RNF167: variants seen among roughly 807,000 people sequenced by gnomAD.
RNF167 encodes the protein ring finger protein 167.
Under a neutral mutation model 34.8 loss-of-function variants are expected in RNF167, and 19 were observed. The ratio of observed to expected loss-of-function variants is 0.55; its 90% CI spans 0.38 to 0.80. RNF167 has a LOEUF of 0.80. Ranked by LOEUF, RNF167 falls within the 30% of genes least tolerant of loss-of-function variation. RNF167 has a pLI of 0.00. For missense variants in RNF167, 464 were observed against 447.0 expected (o/e 1.04, Z -0.34); for synonymous variants, 200 against 170.4 (o/e 1.17, Z -1.35).
rs1971187181 is a variant in RNF167 at position 4,944,556 on chromosome 17, A to G, written c.671-2A>G. ...GACTAGATTATTTTCTTTCTGTCCC[A>G]GGAGACCAGTATGATGTCTGTGCCA... On this transcript the variant is annotated splice_acceptor_variant, in intron 8 of 9. Coordinates refer to ENST00000262482, the MANE Select transcript of RNF167 (RefSeq NM_015528.3). LOFTEE classifies it high-confidence loss of function. The G allele has an allele frequency of 1.3e-6, 2 of 1,585,056 alleles. No individual in the cohort carries two copies. Among genetic ancestry groups the G allele is most frequent in the Non-Finnish European group, 1.7e-6 (2 of 1,163,682 alleles).
Position 4,944,635 on chromosome 17 carries a change from C to G in RNF167, c.748C>G (p.His250Asp). The change falls in exon 9 of 10, where the codon CAT (histidine) becomes GAT (aspartate). Residue 250 changes from histidine to aspartate, a missense_variant. Transcript: ENST00000262482. ...GDKLRVLPCA[H>D]AYHSRCVDPW... is the part of the protein sequence containing the mutation. ...CAAGCTGCGGGTACTCCCCTGTGCT[C>G]ATGGTGAGGCCCTCACTGCCTGCCC... 1 of 1,614,092 alleles carries G rather than the reference C, an allele frequency of 6.2e-7. No individual in the cohort carries two copies. Among genetic ancestry groups the G allele is most frequent in the South Asian group, 1.1e-5 (1 of 91,072 alleles).
chr17:4,944,894 T>C lies in RNF167; in HGVS notation c.931T>C (p.Leu311=), dbSNP rs1457219218. ...DHPASERTPL[L]GSSPTLPTSF... The stretch of plus-strand genomic sequence containing the variant: ...CCCTGCCTCAGAAAGGACCCCACTT[T>C]TGGGTTCTAGCCCCACTCTTCCCAC... Residue 311 remains leucine, a synonymous_variant, in exon 10 of 10, where the codon TTG becomes CTG. Transcript: ENST00000262482. 3.1e-6 allele frequency: 5 copies of C among 1,613,852 alleles called. No homozygotes were observed. Among genetic ancestry groups the C allele is most frequent in the African/African-American group, 1.3e-5 (1 of 74,894 alleles).
chr17:4,943,355 A>G, intron 7 of RNF167, 71 bp downstream of exon 7: 1 of 1,588,722 alleles, frequency 6.3e-7, no homozygotes, highest in African/African-American at 1.3e-5. Context: ...GAGTTGGGAG[A>G]TGGGAGTGGC....
At chr17:4,943,605 G>A (rs546847418) in intron 8 of RNF167, 86 bp downstream of exon 8, 57 of 1,117,600 alleles carry the variant, frequency 5.1e-5, no homozygotes, top group South Asian at 4.1e-4. Flanking sequence ...GGTATACAAA[G>A]ATGGCAGTGG....
intron 8 of RNF167, among the ~76,000 whole-genome samples, chr17:4,944,215 G>A (rs1451121585): frequency 6.6e-6 from 1 of 152,232 alleles, no homozygotes; most frequent in Non-Finnish European, 1.5e-5. Context: ...TTCAGTTAGA[G>A]AAGGAAGAAA....
chr17:4,943,415 G>A lies in RNF167; in HGVS notation c.577-11G>A, dbSNP rs545196478. On this transcript the variant is annotated splice_polypyrimidine_tract_variant and intron_variant, in intron 7 of 9. Coordinates refer to ENST00000262482, the MANE Select transcript of RNF167 (RefSeq NM_015528.3). ...TCCTAAGCCTTGTCCATCCACCCCC[G>A]CTTCCCCCAGATAGCTCGTTGTATC... 3.2e-5 allele frequency: 51 copies of A among 1,611,980 alleles called. No individual in the cohort carries two copies. Among genetic ancestry groups the A allele is most frequent in the African/African-American group, 4.0e-5 (3 of 74,978 alleles).
At chr17:4,944,525 G>A in intron 8 of RNF167, 33 bp from the exon 9 acceptor site, 2 of 1,544,374 alleles carry the variant, frequency 1.3e-6, no homozygotes, top group South Asian at 2.5e-5. Context: ...TTGTGGCTCA[G>A]TGAAGGACTA....
At position 4,940,655 on chromosome 17, in the gene RNF167, C is replaced by G. The variant is rs993408372; in HGVS notation, c.-255C>G. On this transcript the variant is annotated 5_prime_UTR_variant, in exon 2 of 10. Transcript: ENST00000262482. ...TTCTGTCACCTGTGTTAGGCTCCGT[C>G]CCCTTTCCGCGTTTTATCCCCGTAC... The G allele has an allele frequency of 2.5e-6, 1 of 406,600 alleles. No individual in the cohort carries two copies. 25.2% of individuals were successfully genotyped at this position (406,600 alleles called of 1,614,324 possible).
rs1358706699 is a variant in RNF167, at chr17:4,941,171, T to G, written c.165+14T>G. ...GAGGGCCTCCAGGTGATTTTCTTTCTTTTCTTTTCCTCCTTCCCTCCCTTC... is the reference window on the plus strand; with the variant it reads ...GAGGGCCTCCAGGTGATTTTCTTTCGTTTCTTTTCCTCCTTCCCTCCCTTC... On this transcript the variant is annotated intron_variant, in intron 3 of 9. Transcript: ENST00000262482. 6.2e-7 allele frequency: 1 copy of G among 1,608,688 alleles called. No homozygotes were observed. The highest frequency in any genetic ancestry group is 8.5e-7 in the Non-Finnish European group (1 of 1,175,214).
At chr17:4,943,934 G>A (rs931154401) in intron 8 of RNF167, among the ~76,000 whole-genome samples, 6 of 152,192 alleles carry the variant, frequency 3.9e-5, no homozygotes, top group South Asian at 2.1e-4. Context: ...GGAGGTTGTC[G>A]GGGGCTGAGA....
In RNF167 at chr17:4,942,872, G is replaced by A; in HGVS notation, c.401G>A (p.Trp134Ter). Residue 134 changes from tryptophan (W) to a stop codon, truncating the protein, a stop_gained, in exon 6 of 10, where the codon TGG becomes TAG. Transcript: ENST00000262482. LOFTEE classifies it high-confidence loss of function. ...WNSEEIQQQIWIPSVFIGERS... is the reference protein window; with the variant it reads ...WNSEEIQQQI ...GCAGAGGAAATCCAGCAGCAGATCT[G>A]GATCCCGTCTGTATTTATTGGGGAG... 6.2e-7 allele frequency: 1 copy of A among 1,614,214 alleles called. No individual in the cohort carries two copies. Among genetic ancestry groups the A allele is most frequent in the Non-Finnish European group, 8.5e-7 (1 of 1,180,038 alleles).
chr17:4,944,878 A>C lies in RNF167; in HGVS notation c.915A>C (p.Ser305=). The C allele has an allele frequency of 6.2e-7, 1 of 1,614,018 alleles. No homozygotes were observed. Among genetic ancestry groups the C allele is most frequent in the Non-Finnish European group, 8.5e-7 (1 of 1,179,940 alleles). Residue 305 remains serine, a synonymous_variant, in exon 10 of 10, where the codon TCA becomes TCC. Transcript: ENST00000262482. The part of the protein sequence containing the change: ...DEGEPRDHPA[S]ERTPLLGSSP... ...GGGAGCCAAGGGACCACCCTGCCTC[A>C]GAAAGGACCCCACTTTTGGGTTCTA... is the stretch of plus-strand genomic sequence containing the variant.
Position 4,944,743 on chromosome 17 carries a change from GCTCA to G in RNF167, c.785_788del (p.Thr262ArgfsTer62). 1 of 1,613,812 alleles carries G rather than the reference GCTCA, an allele frequency of 6.2e-7. No homozygotes were observed. Among genetic ancestry groups the G allele is most frequent in the Non-Finnish European group, 8.5e-7 (1 of 1,179,866 alleles). The stretch of plus-strand genomic sequence containing the variant: ...ACCACAGCCGCTGCGTGGACCCCTG[GCTCA>G]CTCAGACCCGGAAGACCTGCCCCAT... On this transcript the variant is annotated frameshift_variant, in exon 10 of 10. Coordinates refer to ENST00000262482, the MANE Select transcript of RNF167 (RefSeq NM_015528.3). LOFTEE classifies it high-confidence loss of function.
chr17:4,941,228 A>C, intron 3 of RNF167, 71 bp downstream of exon 3: 1 of 1,363,244 alleles, frequency 7.3e-7, no homozygotes, highest in African/African-American at 1.5e-5. Context: ...TTTTTTTAGT[A>C]TTTCGCAAGA....
Position 4,940,829 on chromosome 17 carries a change from G to A in RNF167, c.-81G>A. ...TTGGACCCCTGGGATCCTAAAGGAG[G>A]GGCAGGGAGGGCGCAGAACTCCGCT... is the stretch of plus-strand genomic sequence containing the variant. On this transcript the variant is annotated 5_prime_UTR_variant, in exon 2 of 10. Transcript: ENST00000262482. 7.6e-7 allele frequency: 1 copy of A among 1,314,030 alleles called. No individual in the cohort carries two copies. Among genetic ancestry groups the A allele is most frequent in the Non-Finnish European group, 1.0e-6 (1 of 963,944 alleles). 81.4% of individuals were successfully genotyped at this position (1,314,030 alleles called of 1,614,324 possible). A position where few individuals can be genotyped will look rare whatever the true frequency, so the allele number is the denominator to read the frequency against.
In RNF167 at chr17:4,942,945, G is replaced by C. The variant is rs1970971314; in HGVS notation, c.470+4G>C. 6.2e-7 allele frequency: 1 copy of C among 1,613,126 alleles called. No homozygotes were observed. On this transcript the variant is annotated splice_donor_region_variant and intron_variant, in intron 6 of 9. Transcript: ENST00000262482. ...CCCTCTTTGTCTACGAGAAGGGGTA[G>C]GACATGTGCCTCCTTCCCATTCTTC... is the stretch of plus-strand genomic sequence containing the variant.
rs762586495 is a variant in RNF167 at position 4,941,202 on chromosome 17, T to C, written c.165+45T>C. 4 of 1,515,582 alleles carry C rather than the reference T, an allele frequency of 2.6e-6. No individual in the cohort carries two copies. The East Asian group carries it at 9.0e-5, about 34-fold the overall frequency. 93.9% of individuals were successfully genotyped at this position (1,515,582 alleles called of 1,614,324 possible). On this transcript the variant is annotated intron_variant, in intron 3 of 9. Transcript: ENST00000262482. Reference sequence around the variant, plus strand: ...TTTCCTCCTTCCCTCCCTTCCTTCCTTTTCTGTCTTTTTTCTTTTTTTAGT... The same window carrying C: ...TTTCCTCCTTCCCTCCCTTCCTTCCCTTTCTGTCTTTTTTCTTTTTTTAGT...
In RNF167 at chr17:4,943,440, C is replaced by G; in HGVS notation, c.591C>G (p.Ile197Met). The G allele has an allele frequency of 6.2e-7, 1 of 1,613,900 alleles. No individual in the cohort carries two copies. ...AMGAVMIARC[I>M]QHRKRLQRNR... The stretch of plus-strand genomic sequence containing the variant: ...GCTTCCCCCAGATAGCTCGTTGTAT[C>G]CAGCACCGGAAACGGCTCCAGCGGA... Residue 197 changes from isoleucine (I) to methionine (M), a missense_variant, in exon 8 of 10, where the codon ATC (isoleucine) becomes ATG (methionine). Coordinates refer to ENST00000262482, the MANE Select transcript of RNF167 (RefSeq NM_015528.3).
At position 4,940,677 on chromosome 17, in the gene RNF167, G is replaced by A; in HGVS notation, c.-233G>A. 2.4e-6 allele frequency: 1 copy of A among 419,028 alleles called. No homozygotes were observed. The highest frequency in any genetic ancestry group is 4.2e-6 in the Non-Finnish European group (1 of 236,572). 26.0% of individuals were successfully genotyped at this position (419,028 alleles called of 1,614,324 possible). A position where few individuals can be genotyped will look rare whatever the true frequency, so the allele number is the denominator to read the frequency against. ...CGTCCCCTTTCCGCGTTTTATCCCCGTACCAGAAAAGGATACATTTAGTGC... is the reference window on the plus strand; with the variant it reads ...CGTCCCCTTTCCGCGTTTTATCCCCATACCAGAAAAGGATACATTTAGTGC... On this transcript the variant is annotated 5_prime_UTR_variant, in exon 2 of 10. Transcript: ENST00000262482.
Sources: gnomAD v4.1 joint callset for allele counts (sites outside exome capture counted in the v4.1 genomes callset) on GRCh38, gnomAD v4.1.1 for gene constraint, MANE v1.5 for transcripts, NCBI Gene and HGNC (gene_info 2026-07-23, HGNC 2026-07-21) for gene names.